The following ANXA3 variants were observed in gnomAD, a reference collection of about 807,000 sequenced individuals.
The protein encoded by ANXA3 is 35-alpha calcimedin.
ANXA3 carries 46 observed loss-of-function variants against 48.8 expected under a neutral mutation model. That is an observed-to-expected ratio of 0.94 (90% CI 0.74 to 1.21). ANXA3 has a LOEUF of 1.21. Ranked by LOEUF, ANXA3 falls within the 50% of genes most tolerant of loss-of-function variation. The probability of loss-of-function intolerance (pLI) is 0.00; values close to 1 mark genes in which losing one functional copy is unlikely to be tolerated. For synonymous variants in ANXA3, 128 were observed against 134.7 expected, an observed-to-expected ratio of 0.95 and a Z score of 0.35; for missense variants, 383 against 378.6, an observed-to-expected ratio of 1.01 and a Z score of -0.10.
At chr4:78,585,094 G>C (rs1723145083) in intron 5 of ANXA3, among the ~76,000 whole-genome samples, 1 of 152,242 alleles carries the variant, frequency 6.6e-6, no homozygotes, top group African/African-American at 2.4e-5. Flanking sequence ...AGACCCAAAG[G>C]TGTGGCAGTT....
chr4:78,597,246 A>G (rs532484518), intron 9 of ANXA3, 73 bp from the exon 10 acceptor site: 13 of 970,942 alleles, frequency 1.3e-5, no homozygotes, highest in Middle Eastern at 2.5e-4. Context: ...CTGCATATCA[A>G]ATAAAAAACT....
chr4:78,571,891 T>A (rs1434372032), intron 2 of ANXA3, among the ~76,000 whole-genome samples: 1 of 152,242 alleles, frequency 6.6e-6, no homozygotes, highest in African/African-American at 2.4e-5. Context: ...CCTGAAGATC[T>A]ATGATGTCAG....
In ANXA3 at chr4:78,601,549, G is replaced by A; in HGVS notation, c.770G>A (p.Arg257Lys). 1 of 1,613,950 alleles carries A rather than the reference G, an allele frequency of 6.2e-7. No homozygotes were observed. The highest frequency in any genetic ancestry group is 2.2e-5 in the East Asian group (1 of 44,862). ...VRNTPAFLAE[R>K]LHRALKGIGT... ...AACACGCCGGCCTTTTTAGCCGAAA[G>A]ACTGCATCGAGCCTTGAAGGTTGGT... is the stretch of plus-strand genomic sequence containing the variant. The change falls in exon 11 of 13, where the codon AGA (arginine) becomes AAA (lysine). Residue 257 changes from arginine to lysine, a missense_variant. Transcript: ENST00000264908.
intron 2 of ANXA3, among the ~76,000 whole-genome samples, chr4:78,559,616 C>T (rs1457239530): frequency 6.6e-6 from 1 of 152,174 alleles, no homozygotes; most frequent in Non-Finnish European, 1.5e-5. Context: ...AACAGTTAAA[C>T]AATTAAAGCA....
intron 3 of ANXA3, among the ~76,000 whole-genome samples, chr4:78,577,258 T>C (rs539564552): frequency 1.3e-5 from 2 of 152,138 alleles, no homozygotes; most frequent in Non-Finnish European, 2.9e-5. Flanking sequence ...ATTTAAGAGA[T>C]GCAGATAATT....
intron 2 of ANXA3, among the ~76,000 whole-genome samples, chr4:78,566,849 G>A (rs950227589): frequency 2.0e-5 from 3 of 152,172 alleles, no homozygotes; most frequent in Non-Finnish European, 4.4e-5. Context: ...TGAAAAGTAT[G>A]AATATTTTTT....
intron 2 of ANXA3, chr4:78,570,888 T>C (rs1350350783): frequency 6.6e-6 from 1 of 152,254 alleles, no homozygotes; most frequent in Non-Finnish European, 1.5e-5. Flanking sequence ...CAAAAGTTCC[T>C]AGATGGATAG....
chr4:78,553,318 A>G (rs1382698358), intron 1 of ANXA3, among the ~76,000 whole-genome samples: 1 of 152,194 alleles, frequency 6.6e-6, no homozygotes, highest in Non-Finnish European at 1.5e-5. Context: ...CTTGTATTAA[A>G]TCATTCATTT....
chr4:78,600,204 G>T (rs1006866958), intron 10 of ANXA3, among the ~76,000 whole-genome samples: 1 of 152,116 alleles, frequency 6.6e-6, no homozygotes, highest in Non-Finnish European at 1.5e-5. Context: ...TAGGGAATGG[G>T]CAATTATGAA....
intron 2 of ANXA3, among the ~76,000 whole-genome samples, chr4:78,572,222 A>G (rs778778278): frequency 7.2e-5 from 11 of 152,170 alleles, no homozygotes; most frequent in African/African-American, 9.7e-5. Context: ...TAGAGAACCA[A>G]TGTTTTATAT....
At chr4:78,589,755 T>A (rs1015953982) in intron 6 of ANXA3, among the ~76,000 whole-genome samples, 3 of 152,210 alleles carry the variant, frequency 2.0e-5, no homozygotes, top group African/African-American at 4.8e-5. Flanking sequence ...GAAGATACAA[T>A]GGGTTCAGGA....
intron 7 of ANXA3, among the ~76,000 whole-genome samples, chr4:78,594,084 G>T (rs1723364336): frequency 6.6e-6 from 1 of 151,914 alleles, no homozygotes; most frequent in African/African-American, 2.4e-5. Context: ...ACCAACTACT[G>T]ATCTTCTTAC....
intron 12 of ANXA3, among the ~76,000 whole-genome samples, chr4:78,605,806 G>T (rs1015756963): frequency 6.6e-6 from 1 of 152,176 alleles, no homozygotes; most frequent in Non-Finnish European, 1.5e-5. Flanking sequence ...AATTAATAGG[G>T]CAGTAAGCCT....
intron 5 of ANXA3, among the ~76,000 whole-genome samples, chr4:78,585,037 G>A (rs1723144102): frequency 6.6e-6 from 1 of 152,220 alleles, no homozygotes; most frequent in Non-Finnish European, 1.5e-5. Context: ...TACAGTCATT[G>A]ACTGACAGCC....
chr4:78,597,510 A>G, intron 10 of ANXA3, 96 bp downstream of exon 10: 2 of 769,440 alleles, frequency 2.6e-6, no homozygotes, highest in Non-Finnish European at 4.3e-6. Flanking sequence ...TGACTGATCC[A>G]TTTTTTTTGC....
intron 10 of ANXA3, among the ~76,000 whole-genome samples, chr4:78,601,102 T>C (rs1277848485): frequency 2.0e-5 from 3 of 152,192 alleles, no homozygotes; most frequent in Non-Finnish European, 2.9e-5. Context: ...ATGAGTTATT[T>C]GGAGCAACAT....
chr4:78,571,184 A>T (rs1722835132), intron 2 of ANXA3: 1 of 151,908 alleles, frequency 6.6e-6, no homozygotes, highest in Non-Finnish European at 1.5e-5. Context: ...GTAATTTTTT[A>T]ATATTTTGTA....
intron 6 of ANXA3, among the ~76,000 whole-genome samples, chr4:78,587,385 A>G (rs1024341239): frequency 6.6e-6 from 1 of 152,218 alleles, no homozygotes; most frequent in African/African-American, 2.4e-5. Flanking sequence ...TGTTAGCATA[A>G]CTGAGCTGTA....
intron 9 of ANXA3, among the ~76,000 whole-genome samples, chr4:78,596,229 A>G (rs1218986698): frequency 6.6e-6 from 1 of 152,218 alleles, no homozygotes; most frequent in African/African-American, 2.4e-5. Flanking sequence ...ACTCCACCTA[A>G]CAGTTCTCCC....
Sources: gnomAD v4.1 joint callset for allele counts (sites outside exome capture counted in the v4.1 genomes callset) on GRCh38, gnomAD v4.1.1 for gene constraint, MANE v1.5 for transcripts, NCBI Gene and HGNC (gene_info 2026-07-23, HGNC 2026-07-21) for gene names.